The following PCCA variants were observed in gnomAD, a reference collection of about 807,000 sequenced individuals.
PCCA encodes propionyl-CoA carboxylase subunit alpha.
In PCCA, 74 loss-of-function variants were observed where a neutral mutation model predicts 101.3. The ratio of observed to expected loss-of-function variants is 0.73; its 90% confidence interval spans 0.61 to 0.89. The LOEUF is 0.89. PCCA is among the 40% of genes least tolerant of loss of function. The pLI, the probability that PCCA is intolerant of heterozygous loss-of-function variation, is 0.00. For missense variants in PCCA, 891 were observed against 907.0 expected, an observed-to-expected ratio of 0.98 and a Z score of 0.23; for synonymous variants, 294 against 313.6, an observed-to-expected ratio of 0.94 and a Z score of 0.66.
chr13:100,185,656 T>C (rs1298322954), intron 6 of PCCA, among the ~76,000 whole-genome samples: 1 of 151,632 alleles, frequency 6.6e-6, no homozygotes, highest in Non-Finnish European at 1.5e-5. Context: ...TCTTTTTTTT[T>C]TTTTTTGTGA....
chr13:100,263,862 CTG>C (rs1470535069), intron 10 of PCCA, among the ~76,000 whole-genome samples: 8 of 145,072 alleles, frequency 5.5e-5, no homozygotes, highest in African/African-American at 1.5e-4. Flanking sequence ...TATATGGTAT[CTG>C]TATATCGTAT....
chr13:100,145,012 T>A (rs757681349), intron 4 of PCCA, among the ~76,000 whole-genome samples: 1 of 152,092 alleles, frequency 6.6e-6, no homozygotes, highest in Non-Finnish European at 1.5e-5. Context: ...TCAGTGTCCA[T>A]GAGGGAGCAG....
rs374646330 is a variant in PCCA, at chr13:100,275,335, G to A, written c.1065+1989G>A. On this transcript the variant is annotated intron_variant, in intron 12 of 23. Coordinates refer to ENST00000376285, the MANE Select transcript of PCCA (RefSeq NM_000282.4). Reference sequence around the variant, plus strand: ...GTTCGCTGTGCCGTGGCGGTAGACCGTCCTTGTGTCCTTGAACTTTGAGGT... The same window carrying A: ...GTTCGCTGTGCCGTGGCGGTAGACCATCCTTGTGTCCTTGAACTTTGAGGT... Among the ~76,000 whole-genome samples, 208 of 152,216 alleles carry A rather than the reference G, an allele frequency of 1.4e-3. 2 individuals are homozygous for A. Among genetic ancestry groups the A allele is most frequent in the South Asian group, 0.011 (52 of 4,820 alleles).
rs190147331 is a variant in PCCA, at chr13:100,348,521, C to T, written c.1643+8262C>T. Reference sequence around the variant, plus strand: ...AAAAGCTAGTTATATTAAACAACCACTTTTTTTAAAAGCTAAAATGATTTT... The same window carrying T: ...AAAAGCTAGTTATATTAAACAACCATTTTTTTTAAAAGCTAAAATGATTTT... On this transcript the variant is annotated intron_variant, in intron 18 of 23. Transcript: ENST00000376285. Among the ~76,000 whole-genome samples the T allele has an allele frequency of 3.9e-5, 6 of 152,134 alleles. No individual in the cohort carries two copies. The East Asian group carries it at 1.2e-3, about 29-fold the overall frequency.
chr13:100,302,822 T>G (rs2066167114), intron 13 of PCCA, 102 bp from the exon 14 acceptor site: 1 of 775,270 alleles, frequency 1.3e-6, no homozygotes, highest in Non-Finnish European at 2.4e-6. Flanking sequence ...TACCATATGT[T>G]GAAAATAGAC....
chr13:100,265,075 A>G (rs1484688570), intron 10 of PCCA, among the ~76,000 whole-genome samples: 1 of 152,094 alleles, frequency 6.6e-6, no homozygotes, highest in African/African-American at 2.4e-5. Context: ...TTCTGTATCA[A>G]TTTTGTTTAT....
intron 11 of PCCA, among the ~76,000 whole-genome samples, chr13:100,271,679 T>G (rs992743985): frequency 6.6e-6 from 1 of 152,220 alleles, no homozygotes. Context: ...ATTTATGAGA[T>G]AGAGAAATTT....
intron 21 of PCCA, among the ~76,000 whole-genome samples, chr13:100,497,895 G>T (rs1231558834): frequency 1.3e-5 from 2 of 151,610 alleles, no homozygotes; most frequent in Non-Finnish European, 2.9e-5. Flanking sequence ...TAGACACAGG[G>T]TCTCACTCTG....
intron 12 of PCCA, among the ~76,000 whole-genome samples, chr13:100,286,168 C>A (rs1471814428): frequency 6.6e-6 from 1 of 152,152 alleles, no homozygotes; most frequent in Non-Finnish European, 1.5e-5. Flanking sequence ...TGTGAGTAAA[C>A]AATTGCACTG....
intron 19 of PCCA, among the ~76,000 whole-genome samples, chr13:100,383,518 G>T (rs557795983): frequency 6.6e-6 from 1 of 151,980 alleles, no homozygotes; most frequent in East Asian, 2.0e-4. Flanking sequence ...GCCCAAGGGG[G>T]AAGATGCTTT....
intron 20 of PCCA, among the ~76,000 whole-genome samples, chr13:100,438,313 T>A (rs1461274582): frequency 1.3e-5 from 2 of 151,832 alleles, no homozygotes; most frequent in Admixed American, 1.3e-4. Context: ...TGCCACCACA[T>A]GCAATTAATT....
intron 18 of PCCA, among the ~76,000 whole-genome samples, chr13:100,340,981 A>G (rs1302971293): frequency 6.6e-6 from 1 of 152,256 alleles, no homozygotes; most frequent in African/African-American, 2.4e-5. Context: ...TGAAAAGCAC[A>G]AATCAGAAAC....
intron 21 of PCCA, among the ~76,000 whole-genome samples, chr13:100,501,124 C>G (rs958597011): frequency 3.3e-5 from 5 of 152,016 alleles, no homozygotes; most frequent in African/African-American, 1.2e-4. Context: ...GCATTCCAAC[C>G]TGAGCAACAG....
chr13:100,258,972 T>C (rs2062260814), intron 9 of PCCA, among the ~76,000 whole-genome samples: 1 of 152,176 alleles, frequency 6.6e-6, no homozygotes, highest in African/African-American at 2.4e-5. Context: ...AAGAAGTTGC[T>C]CTATGTCCCT....
intron 20 of PCCA, among the ~76,000 whole-genome samples, chr13:100,432,167 A>AAATT (rs998453546): frequency 6.6e-6 from 1 of 152,054 alleles, no homozygotes; most frequent in African/African-American, 2.4e-5. Context: ...ATAAATAAAT[A>AAATT]AATAAACAAA....
chr13:100,505,557 A>G (rs1385098676), intron 21 of PCCA, among the ~76,000 whole-genome samples: 1 of 152,192 alleles, frequency 6.6e-6, no homozygotes, highest in African/African-American at 2.4e-5. Flanking sequence ...ACAATACATG[A>G]TTTTAAAATA....
intron 20 of PCCA, among the ~76,000 whole-genome samples, chr13:100,431,943 A>G (rs1442516083): frequency 6.6e-6 from 1 of 152,082 alleles, no homozygotes; most frequent in Non-Finnish European, 1.5e-5. Context: ...TAATCCCAGC[A>G]CTTTGGGAGG....
At chr13:100,315,320 A>G (rs1387520610) in intron 16 of PCCA, among the ~76,000 whole-genome samples, 1 of 152,106 alleles carries the variant, frequency 6.6e-6, no homozygotes, top group Non-Finnish European at 1.5e-5. Flanking sequence ...AGTTAAAAAA[A>G]TAGGGAAGAG....
chr13:100,144,421 C>T (rs1165696919), intron 4 of PCCA, among the ~76,000 whole-genome samples: 3 of 152,072 alleles, frequency 2.0e-5, no homozygotes, highest in Non-Finnish European at 4.4e-5. Context: ...AGATACTCAC[C>T]ATTAAGATAC....
Sources: allele counts gnomAD v4.1 joint callset (sites outside exome capture counted in the v4.1 genomes callset), GRCh38; gene constraint gnomAD v4.1.1; transcripts MANE v1.5; gene names NCBI Gene and HGNC (gene_info 2026-07-23, HGNC 2026-07-21).